Variants in JAZF1 observed in about 807,000 individuals in gnomAD.
JAZF1 encodes juxtaposed with another zinc finger protein 1.
JAZF1 carries 8 observed loss-of-function variants against 26.4 expected under a neutral mutation model. The ratio of observed to expected loss-of-function variants is 0.30; its 90% CI spans 0.18 to 0.55. The LOEUF is 0.55. Among genes scored for constraint, JAZF1 ranks in the 20% least tolerant of loss-of-function variants. The pLI, the probability that JAZF1 is intolerant of heterozygous loss-of-function variation, is 0.94. For synonymous variants in JAZF1, 126 were observed against 122.3 expected, an observed-to-expected ratio of 1.03 and a Z score of -0.20; for missense variants, 199 against 322.0, an observed-to-expected ratio of 0.62 and a Z score of 2.92.
chr7:27,882,348 T>A lies in JAZF1; in HGVS notation c.385+12872A>T, dbSNP rs924104318. Among the ~76,000 whole-genome samples, 8 of 152,272 alleles carry A rather than the reference T, an allele frequency of 5.3e-5. No homozygotes were observed. In the South Asian group the frequency reaches 1.5e-3, roughly 28 times the overall value. ...CAAAAAAACAAAAAACAAAAACTTA[T>A]TCAGCCTAGTGGAATATGAAATAAA... is the stretch of plus-strand genomic sequence containing the variant. On this transcript the variant is annotated intron_variant, in intron 3 of 4. Coordinates refer to ENST00000283928, the MANE Select transcript of JAZF1 (RefSeq NM_175061.4).
chr7:27,902,410 T>C (rs575647928), intron 2 of JAZF1, among the ~76,000 whole-genome samples: 3 of 152,332 alleles, frequency 2.0e-5, no homozygotes, highest in South Asian at 4.1e-4. Flanking sequence ...GACCACCACA[T>C]TGACTTCTTG....
At chr7:28,047,191 A>G (rs1309357734) in intron 1 of JAZF1, among the ~76,000 whole-genome samples, 1 of 152,194 alleles carries the variant, frequency 6.6e-6, no homozygotes, top group Non-Finnish European at 1.5e-5. Context: ...AGTTACCTTT[A>G]TCATATATTA....
intron 3 of JAZF1, among the ~76,000 whole-genome samples, chr7:27,850,813 A>AT (rs111342674): frequency 0.19 from 27,068 of 140,026 alleles, 2,619 homozygotes; most frequent in African/African-American, 0.24. Context: ...CTGAAGGACC[A>AT]TTTTTTTTTT....
chr7:28,012,859 G>GT (rs1782820927), intron 1 of JAZF1, among the ~76,000 whole-genome samples: 1 of 152,196 alleles, frequency 6.6e-6, no homozygotes. Flanking sequence ...TTTAAACCAC[G>GT]TTTTTTATCT....
intron 1 of JAZF1, among the ~76,000 whole-genome samples, chr7:28,166,994 T>C (rs1016385344): frequency 1.3e-5 from 2 of 152,214 alleles, no homozygotes; most frequent in African/African-American, 2.4e-5. Context: ...GAGGAGTATG[T>C]GGCATAGGGA....
intron 1 of JAZF1, among the ~76,000 whole-genome samples, chr7:28,137,974 C>T (rs145707554): frequency 2.6e-5 from 4 of 152,174 alleles, no homozygotes; most frequent in Non-Finnish European, 4.4e-5. Flanking sequence ...CCAAGTCACA[C>T]AGTAGGTAAG....
intron 2 of JAZF1, among the ~76,000 whole-genome samples, chr7:27,944,482 G>A (rs1788830082): frequency 6.6e-6 from 1 of 152,120 alleles, no homozygotes; most frequent in African/African-American, 2.4e-5. Flanking sequence ...TGACTTTAGT[G>A]GTAGATTATT....
chr7:27,945,390 C>T (rs974664101), intron 2 of JAZF1, among the ~76,000 whole-genome samples: 1 of 152,176 alleles, frequency 6.6e-6, no homozygotes, highest in African/African-American at 2.4e-5. Context: ...TGTAGCACCT[C>T]CCGATTCCTG....
intron 3 of JAZF1, among the ~76,000 whole-genome samples, chr7:27,860,822 C>G (rs746472466): frequency 1.3e-5 from 2 of 152,176 alleles, no homozygotes; most frequent in Non-Finnish European, 2.9e-5. Context: ...TGTTTAAGCC[C>G]CCAGGTATTC....
intron 1 of JAZF1, among the ~76,000 whole-genome samples, chr7:28,127,308 T>G (rs992195437): frequency 3.3e-5 from 5 of 152,156 alleles, no homozygotes; most frequent in Non-Finnish European, 5.9e-5. Context: ...ATGTGTAACC[T>G]TAGGTATAAC....
chr7:28,005,428 A>G (rs1238232494), intron 1 of JAZF1, among the ~76,000 whole-genome samples: 1 of 152,152 alleles, frequency 6.6e-6, no homozygotes, highest in African/African-American at 2.4e-5. Context: ...AAAAAAAAAA[A>G]AAGTCACAGG....
At position 28,110,375 on chromosome 7, in the gene JAZF1, G is replaced by A. The variant is rs182758818; in HGVS notation, c.115+70088C>T. The stretch of plus-strand genomic sequence containing the variant: ...TGGGAGGCAGAGGTTGTAGTGAGCC[G>A]AGATCACGCCATTGCACTCCAGCCT... On this transcript the variant is annotated intron_variant, in intron 1 of 4. Transcript: ENST00000283928. Among the ~76,000 whole-genome samples the A allele has an allele frequency of 2.6e-3, 392 of 150,644 alleles. 3 individuals carry two copies. Among genetic ancestry groups the A allele is most frequent in the Middle Eastern group, 0.017 (5 of 294 alleles).
chr7:28,131,279 C>T (rs1782788992), intron 1 of JAZF1, among the ~76,000 whole-genome samples: 1 of 151,664 alleles, frequency 6.6e-6, no homozygotes, highest in Non-Finnish European at 1.5e-5. Flanking sequence ...TTCACAAAAA[C>T]AGATGACCCT....
At chr7:27,945,161 G>A (rs923008045) in intron 2 of JAZF1, among the ~76,000 whole-genome samples, 2 of 151,966 alleles carry the variant, frequency 1.3e-5, no homozygotes, top group Admixed American at 6.6e-5. Flanking sequence ...CTTGTTTCAG[G>A]GCCGGGGTTT....
chr7:27,945,377 C>T (rs1784911172), intron 2 of JAZF1, among the ~76,000 whole-genome samples: 1 of 152,158 alleles, frequency 6.6e-6, no homozygotes, highest in African/African-American at 2.4e-5. Flanking sequence ...CCCTGAGCTT[C>T]TGTGTAGCAC....
chr7:27,877,244 A>G (rs1428722502), intron 3 of JAZF1, among the ~76,000 whole-genome samples: 3 of 152,256 alleles, frequency 2.0e-5, no homozygotes, highest in Non-Finnish European at 4.4e-5. Context: ...AAGCCTGCCC[A>G]TGGCTCCGAA....
At chr7:28,094,553 T>C (rs867913869) in intron 1 of JAZF1, among the ~76,000 whole-genome samples, 14 of 152,252 alleles carry the variant, frequency 9.2e-5, no homozygotes, top group Middle Eastern at 3.4e-3. Context: ...ATTAATAACT[T>C]CTGTCTCCAA....
At chr7:28,105,134 A>G (rs1242232762) in intron 1 of JAZF1, among the ~76,000 whole-genome samples, 1 of 152,160 alleles carries the variant, frequency 6.6e-6, no homozygotes, top group East Asian at 1.9e-4. Context: ...TAGAGACACC[A>G]AACAGAAATG....
chr7:28,080,368 C>T (rs1210593075), intron 1 of JAZF1, among the ~76,000 whole-genome samples: 1 of 152,220 alleles, frequency 6.6e-6, no homozygotes, highest in Non-Finnish European at 1.5e-5. Context: ...TCCCTATCAG[C>T]AATAAAGCTG....
Sources: allele counts gnomAD v4.1 joint callset (sites outside exome capture counted in the v4.1 genomes callset), GRCh38; gene constraint gnomAD v4.1.1; transcripts MANE v1.5; gene names NCBI Gene and HGNC (gene_info 2026-07-23, HGNC 2026-07-21).